Variants in STK17A observed in about 807,000 individuals in gnomAD.
The protein encoded by STK17A is serine/threonine kinase 17a.
STK17A carries 26 observed loss-of-function variants against 43.7 expected under a neutral mutation model. The ratio of observed to expected loss-of-function variants is 0.60; its 90% CI spans 0.44 to 0.83. STK17A has a LOEUF of 0.83. Ranked by LOEUF, STK17A falls within the 40% of genes least tolerant of loss-of-function variation. STK17A has a pLI of 0.00. For missense variants in STK17A, 476 were observed against 511.6 expected, an observed-to-expected ratio of 0.93 and a Z score of 0.67; for synonymous variants, 191 against 182.5, an observed-to-expected ratio of 1.05 and a Z score of -0.38.
At chr7:43,584,856 A>G (rs1333951317) in intron 1 of STK17A, among the ~76,000 whole-genome samples, 1 of 152,178 alleles carries the variant, frequency 6.6e-6, no homozygotes, top group African/African-American at 2.4e-5. Context: ...TGTGTATTCT[A>G]ATTTGTCGAC....
At chr7:43,603,518 G>T (rs1447012061) in intron 2 of STK17A, among the ~76,000 whole-genome samples, 1 of 152,176 alleles carries the variant, frequency 6.6e-6, no homozygotes, top group African/African-American at 2.4e-5. Flanking sequence ...AGATATGGAG[G>T]TTGAACATTC....
At chr7:43,620,601 G>T (rs538621516) in intron 4 of STK17A, among the ~76,000 whole-genome samples, 138 of 151,886 alleles carry the variant, frequency 9.1e-4, no homozygotes, top group African/African-American at 3.2e-3. Flanking sequence ...GTGAACCTGG[G>T]AGGCGGAGCT....
chr7:43,583,404 C>T lies in STK17A; in HGVS notation c.161C>T (p.Pro54Leu), dbSNP rs1228300837. Reference protein sequence around the residue: ...TEIRAVVRTEPFQDGYSLCPG... With the variant: ...TEIRAVVRTELFQDGYSLCPG... ...ATACGCGCCGTGGTGCGCACCGAGC[C>T]CTTCCAGGACGGCTACAGCCTGTGC... Residue 54 changes from proline to leucine, a missense_variant, in exon 1 of 7, where the codon CCC becomes CTC. Around this residue, in one of 3 missense-constraint regions of STK17A, gnomAD observed 320 missense variants for 326.3 expected, o/e 0.98. Transcript: ENST00000319357. The T allele has an allele frequency of 5.6e-6, 8 of 1,436,372 alleles. No individual in the cohort carries two copies. The highest frequency in any genetic ancestry group is 2.5e-4 in the Middle Eastern group (1 of 4,054). The allele number at this position is 1,436,372 out of a possible 1,614,324, so 89.0% of individuals were successfully genotyped here.
intron 1 of STK17A, among the ~76,000 whole-genome samples, chr7:43,590,040 A>G (rs1247417921): frequency 1.3e-5 from 2 of 149,710 alleles, no homozygotes; most frequent in African/African-American, 2.4e-5. Context: ...TAGATGTCCC[A>G]GGCTCAACTG....
At chr7:43,621,794 GAAA>G (rs1174478550) in intron 4 of STK17A, among the ~76,000 whole-genome samples, 1 of 152,026 alleles carries the variant, frequency 6.6e-6, no homozygotes, top group Non-Finnish European at 1.5e-5. Flanking sequence ...AATCCAAAAA[GAAA>G]AAAACTAAAA....
At chr7:43,608,624 G>A (rs1415350407) in intron 3 of STK17A, 5 of 381,798 alleles carry the variant, frequency 1.3e-5, no homozygotes, top group African/African-American at 2.1e-5. Flanking sequence ...GCCAAAGAAA[G>A]GAACTCAAAA....
chr7:43,587,634 G>A (rs1180811167), intron 1 of STK17A, among the ~76,000 whole-genome samples: 1 of 151,504 alleles, frequency 6.6e-6, no homozygotes, highest in Non-Finnish European at 1.5e-5. Context: ...GAACTTAAGC[G>A]TGTGTCATAA....
chr7:43,602,544 C>G (rs1447954524), intron 2 of STK17A, among the ~76,000 whole-genome samples: 2 of 152,192 alleles, frequency 1.3e-5, no homozygotes, highest in African/African-American at 4.8e-5. Context: ...AGTTCTTGCT[C>G]TCTTTGAACA....
At chr7:43,613,594 G>A (rs887425585) in intron 3 of STK17A, among the ~76,000 whole-genome samples, 10 of 152,132 alleles carry the variant, frequency 6.6e-5, no homozygotes, top group African/African-American at 1.9e-4. Flanking sequence ...TGTAATCCCA[G>A]CACTTTGGGA....
At chr7:43,601,757 G>C (rs1402628355) in intron 2 of STK17A, among the ~76,000 whole-genome samples, 2 of 152,156 alleles carry the variant, frequency 1.3e-5, no homozygotes, top group Non-Finnish European at 2.9e-5. Flanking sequence ...AATGCATGCT[G>C]TGTGTCCCTC....
At chr7:43,613,874 A>C (rs887453681) in intron 3 of STK17A, among the ~76,000 whole-genome samples, 1 of 152,126 alleles carries the variant, frequency 6.6e-6, no homozygotes, top group Non-Finnish European at 1.5e-5. Flanking sequence ...TTAATTTCTA[A>C]AAATTAATTT....
At chr7:43,617,564 C>T (rs6968206) in intron 3 of STK17A, among the ~76,000 whole-genome samples, 2,887 of 152,188 alleles carry the variant, frequency 0.019, 98 homozygotes, top group African/African-American at 0.066. Context: ...TTCACTGAGA[C>T]GCCTGTCATT....
chr7:43,623,307 T>C (rs1351996560), intron 4 of STK17A: 2 of 379,280 alleles, frequency 5.3e-6, no homozygotes, highest in Non-Finnish European at 9.4e-6. Context: ...TGTCAGTTTA[T>C]GTTTGGTGTT....
Position 43,625,031 on chromosome 7 carries a change from A to AT in STK17A, c.*189_*190insT, listed in dbSNP as rs2084349399. 2.0e-6 allele frequency: 1 copy of AT among 489,548 alleles called. No individual in the cohort carries two copies. Among genetic ancestry groups the AT allele is most frequent in the South Asian group, 3.4e-5 (1 of 29,748 alleles). The allele number at this position is 489,548 out of a possible 1,614,324, so 30.3% of individuals were successfully genotyped here. On this transcript the variant is annotated 3_prime_UTR_variant, in exon 7 of 7. Coordinates refer to ENST00000319357, the MANE Select transcript of STK17A (RefSeq NM_004760.3). Reference sequence around the variant, plus strand: ...TTAAAAGTTGCCAACCAGGAGATTTAACAGGTACAGTTACCCGTTTCAATG... The same window carrying AT: ...TTAAAAGTTGCCAACCAGGAGATTTATACAGGTACAGTTACCCGTTTCAATG...
At chr7:43,619,775 AG>A in intron 4 of STK17A, 52 bp downstream of exon 4, 1 of 1,595,254 alleles carries the variant, frequency 6.3e-7, no homozygotes, top group Non-Finnish European at 8.5e-7. Flanking sequence ...CACCTTCATT[AG>A]GGGACTTGTC....
chr7:43,608,342 A>G lies in STK17A; in HGVS notation c.506A>G (p.Gln169Arg), dbSNP rs747923492. The change falls in exon 3 of 7, where the codon CAG (glutamine) becomes CGG (arginine). Residue 169 changes from glutamine (Q) to arginine (R), a missense_variant. By Grantham distance (43) the Gln-to-Arg change is conservative (BLOSUM62 1). This residue lies in a region of STK17A where 320 missense variants were observed against 326.3 expected (regional missense o/e 0.98). Coordinates refer to ENST00000319357, the MANE Select transcript of STK17A (RefSeq NM_004760.3). ...KEKDVQRLMR[Q>R]ILEGVHFLHT... ...AAAGATGTTCAAAGACTTATGCGAC[A>G]GATTTTAGAAGGTGTTCACTTTTTA... 2.5e-6 allele frequency: 4 copies of G among 1,614,134 alleles called. No individual in the cohort carries two copies. Among genetic ancestry groups the G allele is most frequent in the Non-Finnish European group, 3.4e-6 (4 of 1,180,004 alleles).
rs1375442686 is a variant in STK17A at position 43,624,870 on chromosome 7, T to G, written c.*28T>G. ...AATATTTCCCTTTAGAACTTCAAGA[T>G]TTCTACATTGAAAATGTTAATATTA... On this transcript the variant is annotated 3_prime_UTR_variant, in exon 7 of 7. Transcript: ENST00000319357. The G allele has an allele frequency of 9.7e-6, 15 of 1,544,416 alleles. No homozygotes were observed. Among genetic ancestry groups the G allele is most frequent in the Non-Finnish European group, 1.3e-5 (15 of 1,145,096 alleles).
chr7:43,599,702 A>G (rs1161673050), intron 2 of STK17A, among the ~76,000 whole-genome samples: 1 of 152,234 alleles, frequency 6.6e-6, no homozygotes, highest in Non-Finnish European at 1.5e-5. Flanking sequence ...TTATGTGCTT[A>G]TGGTGACTGA....
At chr7:43,584,918 C>T (rs1361487099) in intron 1 of STK17A, among the ~76,000 whole-genome samples, 1 of 152,194 alleles carries the variant, frequency 6.6e-6, no homozygotes, top group Non-Finnish European at 1.5e-5. Flanking sequence ...GAAAACTGGC[C>T]GGGCGCAGTG....
Sources: gnomAD v4.1 joint callset for allele counts (sites outside exome capture counted in the v4.1 genomes callset) on GRCh38, gnomAD v4.1.1 for gene constraint, gnomAD v4.1.1 regional missense constraint, MANE v1.5 for transcripts, NCBI Gene and HGNC (gene_info 2026-07-23, HGNC 2026-07-21) for gene names.